The following HTR1F variants were observed in gnomAD, a reference collection of about 807,000 sequenced individuals.
The protein encoded by HTR1F is 5-hydroxytryptamine receptor 1F, also known as 5-hydroxytryptamine (serotonin) receptor 1F, G protein-coupled.
A neutral mutation model predicts 24.0 loss-of-function variants in HTR1F; 17 were observed. That is an observed-to-expected ratio of 0.71 (90% CI 0.48 to 1.06). The LOEUF is 1.06. Ranked by LOEUF, HTR1F falls within the 50% of genes least tolerant of loss-of-function variation. The pLI is 0.00. For synonymous variants in HTR1F, 186 were observed against 156.8 expected, an observed-to-expected ratio of 1.19 and a Z score of -1.39; for missense variants, 391 against 427.8, an observed-to-expected ratio of 0.91 and a Z score of 0.76.
intron 2 of HTR1F, among the ~76,000 whole-genome samples, chr3:87,889,940 GA>G (rs1330558869): frequency 6.6e-6 from 1 of 152,166 alleles, no homozygotes; most frequent in Non-Finnish European, 1.5e-5. Context: ...AACACATTCT[GA>G]AGTGTCATAA....
At chr3:87,800,326 A>G (rs930367490) in intron 1 of HTR1F, among the ~76,000 whole-genome samples, 1 of 152,136 alleles carries the variant, frequency 6.6e-6, no homozygotes, top group African/African-American at 2.4e-5. Flanking sequence ...ATGCTCAGCA[A>G]CAGGGAACTA....
intron 2 of HTR1F, among the ~76,000 whole-genome samples, chr3:87,969,342 G>A (rs1705237715): frequency 6.6e-6 from 1 of 152,168 alleles, no homozygotes. Flanking sequence ...CAGCCGGGAG[G>A]GAGGCTGTAC....
At chr3:87,917,737 A>T (rs1703927119) in intron 2 of HTR1F, among the ~76,000 whole-genome samples, 1 of 79,868 alleles carries the variant, frequency 1.3e-5, no homozygotes, top group Non-Finnish European at 2.4e-5. Flanking sequence ...TAACAACAAT[A>T]AAAAAAAAAT....
At chr3:87,964,423 C>T (rs1369079212) in intron 2 of HTR1F, among the ~76,000 whole-genome samples, 5 of 151,960 alleles carry the variant, frequency 3.3e-5, no homozygotes, top group South Asian at 2.1e-4. Context: ...TTGGAGTAAT[C>T]GCTCCTTTTT....
chr3:87,904,656 AG>A (rs1703619838), intron 2 of HTR1F, among the ~76,000 whole-genome samples: 1 of 152,152 alleles, frequency 6.6e-6, no homozygotes, highest in Non-Finnish European at 1.5e-5. Flanking sequence ...ATACTACACA[AG>A]AAGTAGAAGC....
intron 1 of HTR1F, among the ~76,000 whole-genome samples, chr3:87,808,982 A>T (rs1704118282): frequency 6.6e-6 from 1 of 151,682 alleles, no homozygotes; most frequent in Non-Finnish European, 1.5e-5. Flanking sequence ...TCTATTTTTA[A>T]AAGTTCATTG....
chr3:87,944,238 A>G (rs1343315714), intron 2 of HTR1F, among the ~76,000 whole-genome samples: 3 of 152,144 alleles, frequency 2.0e-5, no homozygotes, highest in African/African-American at 7.2e-5. Flanking sequence ...GTATTTCATA[A>G]CCCAGCTCCC....
intron 2 of HTR1F, among the ~76,000 whole-genome samples, chr3:87,971,853 T>G (rs1705292520): frequency 6.6e-6 from 1 of 152,224 alleles, no homozygotes; most frequent in African/African-American, 2.4e-5. Context: ...CTTTGTTCAT[T>G]TTATGTATAT....
chr3:87,987,756 T>TTA (rs1260821785), intron 2 of HTR1F, among the ~76,000 whole-genome samples: 2 of 136,870 alleles, frequency 1.5e-5, no homozygotes, highest in Non-Finnish European at 3.1e-5. Flanking sequence ...AATATATGTA[T>TTA]TATATATATG....
chr3:87,910,120 T>C (rs937385475), intron 2 of HTR1F: 40 of 152,098 alleles, frequency 2.6e-4, no homozygotes, highest in African/African-American at 8.2e-4. Context: ...TACATATTGA[T>C]ATTACTCTCC....
In HTR1F at chr3:87,817,345, T is replaced by C. The variant is rs150290025; in HGVS notation, c.-159-4663T>C. On this transcript the variant is annotated intron_variant, in intron 1 of 2. Transcript: ENST00000319595. ...ATGATAAGTACATCTCTATATAGTG[T>C]GCAATATATCATTATACAAAAACAG... Among the ~76,000 whole-genome samples, 373 of 152,270 alleles carry C rather than the reference T, an allele frequency of 2.4e-3. 1 individual carries two copies. The highest frequency in any genetic ancestry group is 8.5e-3 in the African/African-American group (352 of 41,566).
intron 2 of HTR1F, among the ~76,000 whole-genome samples, chr3:87,855,939 C>T (rs575707291): frequency 6.6e-6 from 1 of 151,848 alleles, no homozygotes; most frequent in Admixed American, 6.6e-5. Flanking sequence ...TATAATGGCC[C>T]TAAAGCACAA....
At chr3:87,986,757 C>T (rs1303554306) in intron 2 of HTR1F, among the ~76,000 whole-genome samples, 1 of 152,112 alleles carries the variant, frequency 6.6e-6, no homozygotes, top group Non-Finnish European at 1.5e-5. Flanking sequence ...GCTATTTTTG[C>T]TCATATTATG....
chr3:87,965,754 C>T (rs911189744), intron 2 of HTR1F, among the ~76,000 whole-genome samples: 1 of 152,124 alleles, frequency 6.6e-6, no homozygotes, highest in Non-Finnish European at 1.5e-5. Flanking sequence ...ATAGCTTACA[C>T]AATACAAAAT....
intron 2 of HTR1F, among the ~76,000 whole-genome samples, chr3:87,945,813 A>G (rs556431226): frequency 2.0e-5 from 3 of 152,128 alleles, no homozygotes; most frequent in Admixed American, 2.0e-4. Context: ...GTGGTCAAAT[A>G]TTACTCACGG....
At chr3:87,927,598 G>C (rs1379029620) in intron 2 of HTR1F, among the ~76,000 whole-genome samples, 1 of 151,918 alleles carries the variant, frequency 6.6e-6, no homozygotes, top group Admixed American at 6.6e-5. Flanking sequence ...ATCTTTATTT[G>C]AAAAATGAAA....
intron 2 of HTR1F, among the ~76,000 whole-genome samples, chr3:87,881,040 C>T (rs1705782884): frequency 6.6e-6 from 1 of 152,174 alleles, no homozygotes; most frequent in Non-Finnish European, 1.5e-5. Context: ...TCTGCATTTC[C>T]AACTTAGGTA....
intron 2 of HTR1F, among the ~76,000 whole-genome samples, chr3:87,923,519 GT>G (rs536179508): frequency 2.1e-4 from 31 of 150,594 alleles, no homozygotes; most frequent in African/African-American, 7.5e-4. Flanking sequence ...TTGCTTTCTT[GT>G]TTTTTTTAAC....
rs1206356606 is a variant in HTR1F, at chr3:87,822,074, TGAG to T, written c.-89_-87del. 1.3e-5 allele frequency among the ~76,000 whole-genome samples: 2 copies of T among 151,966 alleles called. No individual in the cohort carries two copies. The highest frequency in any genetic ancestry group is 2.4e-5 in the African/African-American group (1 of 41,350). On this transcript the variant is annotated 5_prime_UTR_variant, in exon 2 of 3. Coordinates refer to ENST00000319595, the MANE Select transcript of HTR1F (RefSeq NM_001322209.2). ...TGAACTTCTCAAAAGAACAGGAACATGAGGAGACGAAATGGTGATGAAAACCCA... is the reference window on the plus strand; with the variant it reads ...TGAACTTCTCAAAAGAACAGGAACATGAGACGAAATGGTGATGAAAACCCA...
Sources: gnomAD v4.1 joint callset for allele counts (sites outside exome capture counted in the v4.1 genomes callset) on GRCh38, gnomAD v4.1.1 for gene constraint, MANE v1.5 for transcripts, NCBI Gene and HGNC (gene_info 2026-07-23, HGNC 2026-07-21) for gene names.